SLCO4C1: variants seen among roughly 807,000 people sequenced by gnomAD.
The protein encoded by SLCO4C1 is organic anion transporter M1.
A neutral mutation model predicts 72.1 loss-of-function variants in SLCO4C1; 58 were observed. The observed-to-expected ratio is 0.80, with a 90% confidence interval of 0.65 to 1.00. The LOEUF (loss-of-function observed/expected upper bound fraction) is 1.00, where lower values mean the gene tolerates loss of function less well. Among genes scored for constraint, SLCO4C1 ranks in the 50% least tolerant of loss-of-function variants. SLCO4C1 has a pLI of 0.00. For synonymous variants in SLCO4C1, 297 were observed against 312.5 expected (o/e 0.95, Z 0.52); for missense variants, 898 against 857.9 (o/e 1.05, Z -0.58).
intron 2 of SLCO4C1, among the ~76,000 whole-genome samples, chr5:102,277,518 G>A (rs1749267487): frequency 6.6e-6 from 1 of 152,104 alleles, no homozygotes; most frequent in Non-Finnish European, 1.5e-5. Flanking sequence ...TCTTCTCTGT[G>A]GTGTCAGTAG....
At chr5:102,293,407 T>C (rs1393851957) in intron 1 of SLCO4C1, among the ~76,000 whole-genome samples, 1 of 152,112 alleles carries the variant, frequency 6.6e-6, no homozygotes, top group South Asian at 2.1e-4. Flanking sequence ...GTGAATTCTA[T>C]GCTATACAAG....
At chr5:102,275,459 A>T (rs1749231243) in intron 2 of SLCO4C1, among the ~76,000 whole-genome samples, 2 of 152,226 alleles carry the variant, frequency 1.3e-5, no homozygotes, top group South Asian at 4.1e-4. Flanking sequence ...ATATCACTAT[A>T]CTGTAAAAGT....
chr5:102,283,588 CAA>C (rs544259565), intron 2 of SLCO4C1, among the ~76,000 whole-genome samples: 22 of 70,612 alleles, frequency 3.1e-4, no homozygotes, highest in Admixed American at 6.3e-4. Flanking sequence ...AAGGAAGCTA[CAA>C]AAAAAAAAAA....
intron 1 of SLCO4C1, among the ~76,000 whole-genome samples, chr5:102,292,586 A>G (rs1749576562): frequency 6.6e-6 from 1 of 152,190 alleles, no homozygotes; most frequent in African/African-American, 2.4e-5. Flanking sequence ...TCTAGAGCAA[A>G]AGTAAACATA....
rs1163862190 is a variant in SLCO4C1 at position 102,257,115 on chromosome 5, C to A, written c.1469G>T (p.Gly490Val). 1.0e-5 allele frequency: 16 copies of A among 1,559,020 alleles called. No individual in the cohort carries two copies. The highest frequency in any genetic ancestry group is 2.8e-5 in the African/African-American group (2 of 71,790). Residue 490 changes from glycine to valine, a missense_variant and splice_region_variant, in exon 8 of 13, where the codon GGG becomes GTG. Gly to Val is a moderately radical substitution (Grantham distance 109). Coordinates refer to ENST00000310954, the MANE Select transcript of SLCO4C1 (RefSeq NM_180991.5). The stretch of plus-strand genomic sequence containing the variant: ...TCAAAAAGCACTGAATTGTATTTAC[C>A]CATTATATGATTCAGATACACCAGC... Reference protein sequence around the residue: ...PFAGVSESYNGTGELGNLIAP... With the variant: ...PFAGVSESYNVTGELGNLIAP...
chr5:102,247,049 C>T (rs1266612840), intron 10 of SLCO4C1, among the ~76,000 whole-genome samples: 2 of 152,130 alleles, frequency 1.3e-5, no homozygotes, highest in African/African-American at 2.4e-5. Flanking sequence ...AATGTGAAGA[C>T]ACTTTCACCT....
rs1012978682 is a variant in SLCO4C1 at position 102,234,918 on chromosome 5, T to C, written c.*1940A>G. On this transcript the variant is annotated 3_prime_UTR_variant, in exon 13 of 13. Coordinates refer to ENST00000310954, the MANE Select transcript of SLCO4C1 (RefSeq NM_180991.5). ...GTGTTCACCTGCCTCTCTTGCCCTATTTCTTTGGTTGCTATAAATTTCCTG... is the reference window on the plus strand; with the variant it reads ...GTGTTCACCTGCCTCTCTTGCCCTACTTCTTTGGTTGCTATAAATTTCCTG... 2.0e-5 allele frequency: 3 copies of C among 152,224 alleles called. No individual in the cohort carries two copies. The highest frequency in any genetic ancestry group is 7.2e-5 in the African/African-American group (3 of 41,464). 9.4% of individuals were successfully genotyped at this position (152,224 alleles called of 1,614,324 possible).
chr5:102,240,818 T>C (rs1748526740), intron 10 of SLCO4C1, 36 bp from the exon 11 acceptor site: 1 of 1,459,710 alleles, frequency 6.9e-7, no homozygotes, highest in Admixed American at 1.8e-5. Context: ...CCAAAAAAGG[T>C]GGTATAGTAT....
intron 12 of SLCO4C1, 71 bp downstream of exon 12, chr5:102,239,180 A>G: frequency 1.4e-6 from 2 of 1,388,192 alleles, no homozygotes; most frequent in Non-Finnish European, 1.9e-6. Flanking sequence ...GACCCTAAGT[A>G]ACCAACAATG....
chr5:102,258,036 C>T lies in SLCO4C1; in HGVS notation c.1180G>A (p.Glu394Lys). 1 of 1,603,464 alleles carries T rather than the reference C, an allele frequency of 6.2e-7. No individual in the cohort carries two copies. The highest frequency in any genetic ancestry group is 8.5e-7 in the Non-Finnish European group (1 of 1,176,696). ...FMCLVLSTSS[E>K]ALITTGFATF... ...GCAAATCCAGTAGTAATTAAGGCTTCTGAAGAAGTTGATAGAACTAAACAC... is the reference window on the plus strand; with the variant it reads ...GCAAATCCAGTAGTAATTAAGGCTTTTGAAGAAGTTGATAGAACTAAACAC... Residue 394 changes from glutamate to lysine, a missense_variant, in exon 7 of 13, where the codon GAA (glutamate) becomes AAA (lysine). Coordinates refer to ENST00000310954, the MANE Select transcript of SLCO4C1 (RefSeq NM_180991.5).
At chr5:102,292,902 T>C (rs1749582131) in intron 1 of SLCO4C1, among the ~76,000 whole-genome samples, 1 of 151,926 alleles carries the variant, frequency 6.6e-6, no homozygotes, top group African/African-American at 2.4e-5. Flanking sequence ...GTTTAAACAT[T>C]ACTATAAGTT....
chr5:102,270,663 C>T lies in SLCO4C1; in HGVS notation c.763G>A (p.Asp255Asn), dbSNP rs1749133389. 1.2e-6 allele frequency: 2 copies of T among 1,612,744 alleles called. No homozygotes were observed. The highest frequency in any genetic ancestry group is 1.7e-6 in the Non-Finnish European group (2 of 1,179,268). Residue 255 changes from aspartate (D) to asparagine (N), a missense_variant, in exon 3 of 13, where the codon GAT becomes AAT. Transcript: ENST00000310954. ...GACTTGTGTGTGGGCACAGAATCAT[C>T]AAGAAAGGCTGTTCCCAGAGTATAA... ...PLYTLGTAFL[D>N]DSVPTHKSSL...
chr5:102,275,006 G>C (rs937229629), intron 2 of SLCO4C1, among the ~76,000 whole-genome samples: 11 of 151,966 alleles, frequency 7.2e-5, no homozygotes, highest in African/African-American at 2.7e-4. Flanking sequence ...AGAAAAAAAA[G>C]GCAGCATAAT....
chr5:102,240,746 T>G lies in SLCO4C1; in HGVS notation c.1848A>C (p.Gly616=), dbSNP rs200863331. Residue 616 remains glycine (G), a synonymous_variant, in exon 11 of 13, where the codon GGA becomes GGC. Coordinates refer to ENST00000310954, the MANE Select transcript of SLCO4C1 (RefSeq NM_180991.5). ...ATAATCGAAGGACCATAAATTGTATTCCCAAGGCTAGGGACCGTTGTCTGT... is the reference window on the plus strand; with the variant it reads ...ATAATCGAAGGACCATAAATTGTATGCCCAAGGCTAGGGACCGTTGTCTGT... The part of the protein sequence containing the change: ...VNHRQRSLAL[G]IQFMVLRLLG... 5.1e-5 allele frequency: 82 copies of G among 1,611,992 alleles called. No individual in the cohort carries two copies. In the East Asian group the frequency reaches 1.8e-3, roughly 35 times the overall value.
At chr5:102,237,192 A>G (rs1331380050) in intron 12 of SLCO4C1, among the ~76,000 whole-genome samples, 174 bp from the exon 13 acceptor site, 1 of 152,220 alleles carries the variant, frequency 6.6e-6, no homozygotes, top group Non-Finnish European at 1.5e-5. Context: ...ATTTGTATAC[A>G]ATTCAAGTCA....
rs763602487 is a variant in SLCO4C1, at chr5:102,295,918, G to C, written c.345C>G (p.Ala115=). Residue 115 remains alanine, a synonymous_variant, in exon 1 of 13, where the codon GCC becomes GCG. Transcript: ENST00000310954. Reference sequence around the variant, plus strand: ...GGCGCTGGACTTTACCTTGCGTGACGGCCAAGAGGCAGTAGTGAAGCAGAA... The same window carrying C: ...GGCGCTGGACTTTACCTTGCGTGACCGCCAAGAGGCAGTAGTGAAGCAGAA... ...GGFLLHYCLL[A]VTQGIVVNGL... 5.0e-6 allele frequency: 8 copies of C among 1,612,660 alleles called. No individual in the cohort carries two copies. The highest frequency in any genetic ancestry group is 4.0e-5 in the African/African-American group (3 of 75,048).
At chr5:102,245,279 T>G (rs112638560) in intron 10 of SLCO4C1, among the ~76,000 whole-genome samples, 7 of 152,062 alleles carry the variant, frequency 4.6e-5, no homozygotes, top group African/African-American at 1.7e-4. Context: ...ACAAGATCCA[T>G]TGACCTGTTG....
chr5:102,271,014 C>T (rs1749143568), intron 2 of SLCO4C1, among the ~76,000 whole-genome samples: 1 of 152,082 alleles, frequency 6.6e-6, no homozygotes, highest in African/African-American at 2.4e-5. Flanking sequence ...CTATTCACTC[C>T]TATTCACCTC....
At chr5:102,260,793 C>A (rs1277829446) in intron 5 of SLCO4C1, among the ~76,000 whole-genome samples, 2 of 152,056 alleles carry the variant, frequency 1.3e-5, no homozygotes, top group Non-Finnish European at 2.9e-5. Flanking sequence ...TATTTGCCAT[C>A]TTATTACCAT....
Sources: allele counts gnomAD v4.1 joint callset (sites outside exome capture counted in the v4.1 genomes callset), GRCh38; gene constraint gnomAD v4.1.1; transcripts MANE v1.5; gene names NCBI Gene and HGNC (gene_info 2026-07-23, HGNC 2026-07-21).